SORBS2: variants seen among roughly 807,000 people sequenced by gnomAD.
SORBS2 encodes the protein sorbin and SH3 domain-containing protein 2.
SORBS2 carries 46 observed loss-of-function variants against 97.7 expected under a neutral mutation model. That is an observed-to-expected ratio of 0.47 (90% CI 0.37 to 0.60). The LOEUF (loss-of-function observed/expected upper bound fraction) is 0.60. SORBS2 is among the 20% of genes least tolerant of loss of function. The pLI, the probability that SORBS2 is intolerant of heterozygous loss-of-function variation, is 0.00. For missense variants in SORBS2, 1,316 were observed against 1,282.3 expected, an observed-to-expected ratio of 1.03 and a Z score of -0.40; for synonymous variants, 476 against 473.4, an observed-to-expected ratio of 1.01 and a Z score of -0.07.
intron 12 of SORBS2, among the ~76,000 whole-genome samples, chr4:185,602,541 T>C (rs953039450): frequency 2.0e-5 from 3 of 152,252 alleles, no homozygotes; most frequent in Non-Finnish European, 4.4e-5. Context: ...GAAATTGCAC[T>C]GACTTAACAT....
At chr4:185,856,121 G>A (rs1324664909) in intron 1 of SORBS2, among the ~76,000 whole-genome samples, 2 of 152,038 alleles carry the variant, frequency 1.3e-5, no homozygotes, top group African/African-American at 4.8e-5. Context: ...CTCACATTCC[G>A]TTCTGTTATT....
At chr4:185,805,229 C>CTA (rs3080336) in intron 1 of SORBS2, among the ~76,000 whole-genome samples, 1 of 151,238 alleles carries the variant, frequency 6.6e-6, no homozygotes, top group African/African-American at 2.4e-5. Context: ...ACCAGGAAGA[C>CTA]TATATATATA....
chr4:185,780,111 G>A (rs1210679727), intron 1 of SORBS2, among the ~76,000 whole-genome samples: 2 of 147,096 alleles, frequency 1.4e-5, no homozygotes, highest in African/African-American at 5.0e-5. Flanking sequence ...TACCTCCCAG[G>A]TTCAAGTAAT....
intron 2 of SORBS2, among the ~76,000 whole-genome samples, chr4:185,743,994 T>C (rs2098744439): frequency 1.7e-5 from 2 of 115,248 alleles, no homozygotes; most frequent in Admixed American, 2.0e-4. Context: ...CTCCTCCTCC[T>C]GTCCCCCTCA....
chr4:185,593,248 T>C (rs28544199), intron 13 of SORBS2: 15,048 of 152,174 alleles, frequency 0.099, 1,791 homozygotes, highest in African/African-American at 0.28. Flanking sequence ...AGGGACAAAA[T>C]GGGCCCGAAA....
chr4:185,716,089 T>C (rs750668289), intron 2 of SORBS2, among the ~76,000 whole-genome samples: 1 of 152,236 alleles, frequency 6.6e-6, no homozygotes, highest in East Asian at 1.9e-4. Flanking sequence ...AGAAAAAGTA[T>C]TTCATAACGA....
At position 185,684,028 on chromosome 4, in the gene SORBS2, C is replaced by CCA. The variant is rs1183269186; in HGVS notation, c.-197-5207_-197-5206insTG. The stretch of plus-strand genomic sequence containing the variant: ...CAACCAGCCAACCAACCAACCAACC[C>CCA]ACCAACCAACCCATCACCAACAGGT... On this transcript the variant is annotated intron_variant, in intron 2 of 20. Transcript: ENST00000284776. The surrounding 1 kb of genome is among the most constrained non-coding windows in gnomAD (Gnocchi z 4.2). Among the ~76,000 whole-genome samples, 9,786 of 151,874 alleles carry CCA rather than the reference C, an allele frequency of 0.064. 541 individuals are homozygous for CCA. Among genetic ancestry groups the CCA allele is most frequent in the East Asian group, 0.22 (1,120 of 5,156 alleles).
At chr4:185,697,177 G>T (rs942783195) in intron 2 of SORBS2, among the ~76,000 whole-genome samples, 6 of 152,110 alleles carry the variant, frequency 3.9e-5, no homozygotes, top group African/African-American at 1.4e-4. Context: ...CCCCAATCTG[G>T]CAAACTGGCA....
At chr4:185,906,028 G>A (rs1182992374) in intron 1 of SORBS2, among the ~76,000 whole-genome samples, 9 of 152,036 alleles carry the variant, frequency 5.9e-5, no homozygotes, top group Admixed American at 3.3e-4. Flanking sequence ...GTCACACCAT[G>A]TGGTCCACTC....
exon 14 of SORBS2, chr4:185,589,679 C>T (rs1171251214): frequency 6.3e-7 from 1 of 1,592,764 alleles, no homozygotes; most frequent in East Asian, 2.2e-5. Context: ...GCGCACATAC[C>T]CACAAACCAG....
chr4:185,654,894 C>T lies in SORBS2; in HGVS notation c.24+1721G>A, dbSNP rs186999505. Among the ~76,000 whole-genome samples the T allele has an allele frequency of 3.5e-4, 53 of 152,080 alleles. No homozygotes were observed. The East Asian group carries it at 3.7e-3, about 11-fold the overall frequency. ...ATCAGAACTCTACACTGATTTAACA[C>T]GCAGAGATTTCAAAAAAGATAAAAA... On this transcript the variant is annotated intron_variant, in intron 1 of 14. Transcript: ENST00000418609.
intron 3 of SORBS2, among the ~76,000 whole-genome samples, chr4:185,647,117 G>A (rs1375085827): frequency 6.6e-6 from 1 of 152,166 alleles, no homozygotes; most frequent in Non-Finnish European, 1.5e-5. Flanking sequence ...AAGTGACAAG[G>A]AGTAATGCAC....
intron 1 of SORBS2, among the ~76,000 whole-genome samples, chr4:185,828,511 A>G (rs980509872): frequency 6.6e-6 from 1 of 152,096 alleles, no homozygotes; most frequent in Admixed American, 6.5e-5. Flanking sequence ...GCCTTCAAGA[A>G]ATCCTTGAAG....
At chr4:185,705,747 C>T (rs376196349) in intron 2 of SORBS2, among the ~76,000 whole-genome samples, 4 of 152,086 alleles carry the variant, frequency 2.6e-5, no homozygotes, top group African/African-American at 9.6e-5. Context: ...GGAATGACTC[C>T]CATCGTGAAG....
rs144923775 is a variant in SORBS2 at position 185,623,162 on chromosome 4, G to T, written c.1967C>A (p.Pro656Gln). ...GAGGCGGTGCAGGATGCTGTTGTCC[G>T]GCAAGCTCCCCCTTTTCTTTTCAGC... The change falls in exon 7 of 15, where the codon CCG (proline) becomes CAG (glutamine). Residue 656 changes from proline (P) to glutamine (Q), a missense_variant. Transcript: ENST00000418609. This position sits in a 1 kb window ranked among gnomAD's most constrained non-coding sequence, Gnocchi z 6.4. The T allele has an allele frequency of 1.2e-6, 2 of 1,614,112 alleles. No homozygotes were observed. The highest frequency in any genetic ancestry group is 3.3e-5 in the Admixed American group (2 of 60,018).
chr4:185,752,459 G>T (rs759823412), intron 2 of SORBS2, among the ~76,000 whole-genome samples: 8 of 152,120 alleles, frequency 5.3e-5, no homozygotes, highest in Middle Eastern at 3.2e-3. Context: ...GTATTTTTTA[G>T]TAGATATGGG....
chr4:185,589,748 C>T (rs138831349), exon 14 of SORBS2: 4 of 1,611,734 alleles, frequency 2.5e-6, no homozygotes, highest in Non-Finnish European at 2.5e-6. Context: ...TCCAGCTCAT[C>T]TTCATTCCTG....
At chr4:185,730,861 C>G (rs552361075) in intron 2 of SORBS2, among the ~76,000 whole-genome samples, 1 of 152,186 alleles carries the variant, frequency 6.6e-6, no homozygotes, top group African/African-American at 2.4e-5. Context: ...CATTGTGAAG[C>G]CTCAAAAGGC....
chr4:185,878,079 C>A (rs1160989297), intron 1 of SORBS2, among the ~76,000 whole-genome samples: 1 of 151,932 alleles, frequency 6.6e-6, no homozygotes, highest in African/African-American at 2.4e-5. Flanking sequence ...AAGGTAAAAT[C>A]TAATTTCATA....
Sources: allele counts gnomAD v4.1 joint callset (sites outside exome capture counted in the v4.1 genomes callset), GRCh38; gene constraint gnomAD v4.1.1; non-coding constraint Gnocchi (gnomAD v3.1); transcripts MANE v1.5; gene names NCBI Gene and HGNC (gene_info 2026-07-23, HGNC 2026-07-21).